POLA1: variants seen among roughly 807,000 people sequenced by gnomAD.
POLA1 encodes DNA polymerase alpha catalytic subunit.
A neutral mutation model predicts 124.0 loss-of-function variants in POLA1; 15 were observed. The observed-to-expected ratio is 0.12, with a 90% CI of 0.08 to 0.19. The LOEUF is 0.19. POLA1 is among the 10% of genes least tolerant of loss of function. The pLI, the probability that POLA1 is intolerant of heterozygous loss-of-function variation, is 1.00. For missense variants in POLA1, 886 were observed against 1,103.4 expected, an observed-to-expected ratio of 0.80 and a Z score of 2.79; for synonymous variants, 408 against 389.4, an observed-to-expected ratio of 1.05 and a Z score of -0.56.
At chrX:24,982,757 A>G (rs1479515436) in intron 36 of POLA1, among the ~76,000 whole-genome samples, 1 of 109,449 alleles carries the variant, frequency 9.1e-6, no homozygotes, top group Non-Finnish European at 1.9e-5. Flanking sequence ...CCCTCCCTCC[A>G]CTGGCTTTGC....
At chrX:24,754,791 T>C (rs1435852737) in intron 26 of POLA1, among the ~76,000 whole-genome samples, 1 of 112,234 alleles carries the variant, frequency 8.9e-6, no homozygotes, top group African/African-American at 3.2e-5. Flanking sequence ...GCTATACATA[T>C]TCTTTTGCAG....
intron 35 of POLA1, among the ~76,000 whole-genome samples, chrX:24,898,564 T>TA (rs1162235569): frequency 8.9e-6 from 1 of 112,590 alleles, no homozygotes; most frequent in Non-Finnish European, 1.9e-5. Flanking sequence ...AGACATCAAA[T>TA]ACCGCTTCAG....
rs896831502 is a variant in POLA1 at position 24,694,803 on chromosome X, C to T, written c.43+799C>T. Among the ~76,000 whole-genome samples, 3 of 112,498 alleles carry T rather than the reference C, an allele frequency of 2.7e-5. No homozygotes were observed. The East Asian group carries it at 8.3e-4, about 31-fold the overall frequency. ...CTTCACTTTGTTAGCTCAAGCGTCACCTCTCCTGTCATTCAGATACATCAC... is the reference window on the plus strand; with the variant it reads ...CTTCACTTTGTTAGCTCAAGCGTCATCTCTCCTGTCATTCAGATACATCAC... On this transcript the variant is annotated intron_variant, in intron 1 of 36. Transcript: ENST00000379068.
intron 36 of POLA1, among the ~76,000 whole-genome samples, chrX:24,944,706 A>G (rs964264737): frequency 2.7e-5 from 3 of 112,031 alleles, no homozygotes; most frequent in Admixed American, 1.9e-4. Flanking sequence ...AACTAGAGGA[A>G]TAGAAATGAA....
chrX:24,711,658 C>T (rs1419802831), intron 4 of POLA1, among the ~76,000 whole-genome samples: 2 of 110,359 alleles, frequency 1.8e-5, no homozygotes, highest in South Asian at 3.9e-4. Flanking sequence ...AGTACAATGG[C>T]GCGATCTCGG....
At position 24,811,642 on chromosome X, in the gene POLA1, GT is replaced by G. The variant is rs10582961; in HGVS notation, c.3090+858del. Among the ~76,000 whole-genome samples the G allele has an allele frequency of 8.5e-3, 804 of 94,809 alleles. 2 individuals carry two copies. The highest frequency in any genetic ancestry group is 0.015 in the African/African-American group (378 of 25,693). 82.3% of individuals were successfully genotyped at this position (94,809 alleles called of 115,157 possible). ...TTTGTTTCGAGGGTGAAATTCAAAGGTTTTTTTTTTTTTTTTCTTTAAATGG... is the reference window on the plus strand; with the variant it reads ...TTTGTTTCGAGGGTGAAATTCAAAGGTTTTTTTTTTTTTTTCTTTAAATGG... On this transcript the variant is annotated intron_variant, in intron 28 of 36. Coordinates refer to ENST00000379068, the MANE Select transcript of POLA1 (RefSeq NM_001330360.2).
At chrX:24,701,578 G>A (rs1299770554) in intron 2 of POLA1, among the ~76,000 whole-genome samples, 2 of 108,663 alleles carry the variant, frequency 1.8e-5, no homozygotes, top group African/African-American at 6.7e-5. Context: ...TGGGATTACA[G>A]GTGTCTGCCA....
At chrX:24,840,228 T>C (rs1288210994) in intron 32 of POLA1, among the ~76,000 whole-genome samples, 1 of 112,930 alleles carries the variant, frequency 8.9e-6, no homozygotes, top group East Asian at 2.7e-4. Context: ...ATGTCTCATA[T>C]AGTTTTCTAA....
In POLA1 at chrX:24,833,522, GT is replaced by G. The variant is rs1172965727; in HGVS notation, c.3736+6922del. 5.4e-5 allele frequency among the ~76,000 whole-genome samples: 6 copies of G among 111,587 alleles called. No individual in the cohort carries two copies. In the East Asian group the frequency reaches 1.7e-3, roughly 32 times the overall value. On this transcript the variant is annotated intron_variant, in intron 32 of 36. Transcript: ENST00000379068. ...ACTAGTTTACATTCCCACCAGCAAT[GT>G]AAAAGTGTTCCCTTTTTACCACATC...
intron 36 of POLA1, among the ~76,000 whole-genome samples, chrX:24,968,488 A>G (rs946096011): frequency 1.1e-4 from 12 of 111,233 alleles, no homozygotes; most frequent in Admixed American, 3.8e-4. Flanking sequence ...TCACAAGGTC[A>G]GGAGATTGAG....
At chrX:24,746,539 T>C (rs1932013693) in intron 24 of POLA1, among the ~76,000 whole-genome samples, 1 of 112,245 alleles carries the variant, frequency 8.9e-6, no homozygotes, top group Non-Finnish European at 1.9e-5. Context: ...TAGCAATTTA[T>C]AGATCTGAAT....
At chrX:24,817,623 A>AAG (rs2046012683) in intron 30 of POLA1, among the ~76,000 whole-genome samples, 1 of 109,178 alleles carries the variant, frequency 9.2e-6, no homozygotes, top group Non-Finnish European at 1.9e-5. Flanking sequence ...AAAAAAAAAA[A>AAG]AAAGAAAAGA....
At chrX:24,704,767 C>G (rs993993804) in intron 4 of POLA1, among the ~76,000 whole-genome samples, 7 of 111,969 alleles carry the variant, frequency 6.3e-5, no homozygotes, top group African/African-American at 2.3e-4. Flanking sequence ...ATTTTGAGGG[C>G]TGCAACAGTA....
intron 26 of POLA1, among the ~76,000 whole-genome samples, chrX:24,792,267 C>T (rs533828470): frequency 9.0e-6 from 1 of 111,305 alleles, no homozygotes; most frequent in East Asian, 2.8e-4. Context: ...TTAAGCACCC[C>T]CCTCCCCAAT....
intron 34 of POLA1, among the ~76,000 whole-genome samples, chrX:24,869,529 C>T (rs774730425): frequency 8.9e-6 from 1 of 112,350 alleles, no homozygotes; most frequent in South Asian, 3.7e-4. Flanking sequence ...TTTTTGGACT[C>T]TCACAGGCAG....
In POLA1 at chrX:24,887,807, T is replaced by A. The variant is rs1269583481; in HGVS notation, c.4048-199T>A. 1.8e-5 allele frequency among the ~76,000 whole-genome samples: 2 copies of A among 110,196 alleles called. No individual in the cohort carries two copies. The highest frequency in any genetic ancestry group is 5.7e-4 in the East Asian group (2 of 3,537). On this transcript the variant is annotated intron_variant, in intron 34 of 36. Coordinates refer to ENST00000379068, the MANE Select transcript of POLA1 (RefSeq NM_001330360.2). ...CATGTGATTTTCTTTTTTTTTTTTT[T>A]AACTTAATGGTTTTCCTAACTTCTA...
intron 36 of POLA1, among the ~76,000 whole-genome samples, chrX:24,967,404 T>C (rs1468374365): frequency 9.0e-6 from 1 of 110,976 alleles, no homozygotes; most frequent in Non-Finnish European, 1.9e-5. Flanking sequence ...GCGCAGTGGC[T>C]CACGCTTGTA....
chrX:24,734,984 G>A (rs1350919305), intron 17 of POLA1, among the ~76,000 whole-genome samples: 1 of 111,558 alleles, frequency 9.0e-6, no homozygotes, highest in Non-Finnish European at 1.9e-5. Flanking sequence ...CTTACCATTT[G>A]GGATTATTTT....
intron 34 of POLA1, among the ~76,000 whole-genome samples, chrX:24,885,634 A>C (rs2047054747): frequency 9.0e-6 from 1 of 110,819 alleles, no homozygotes; most frequent in South Asian, 3.9e-4. Context: ...TCCCGGGTTC[A>C]AGCAGTCAGC....
Sources: gnomAD v4.1 joint callset for allele counts (sites outside exome capture counted in the v4.1 genomes callset) on GRCh38, gnomAD v4.1.1 for gene constraint, MANE v1.5 for transcripts, NCBI Gene and HGNC (gene_info 2026-07-23, HGNC 2026-07-21) for gene names.